Variants in TSC22D1 observed in about 807,000 individuals in gnomAD.
TSC22D1 encodes the protein TSC22 domain family member 1.
TSC22D1 carries 9 observed loss-of-function variants against 74.2 expected under a neutral mutation model. The observed-to-expected ratio is 0.12, with a 90% CI of 0.07 to 0.21. The LOEUF (loss-of-function observed/expected upper bound fraction) is 0.21. TSC22D1 is among the 10% of genes least tolerant of loss of function. The probability of loss-of-function intolerance (pLI) is 1.00; values close to 1 mark genes in which losing one functional copy is unlikely to be tolerated. For synonymous variants in TSC22D1, 586 were observed against 492.5 expected (o/e 1.19, Z -2.51); for missense variants, 1,427 against 1,304.7 (o/e 1.09, Z -1.44).
chr13:44,537,315 C>T (rs1881208192), intron 1 of TSC22D1: 13 of 981,828 alleles, frequency 1.3e-5, no homozygotes, highest in South Asian at 4.7e-5. Context: ...CAATAATATA[C>T]AAAAAGTTTC....
rs568892075 is a variant in TSC22D1 at position 44,569,294 on chromosome 13, T to C, written c.2912+3869A>G. Among the ~76,000 whole-genome samples, 15 of 152,298 alleles carry C rather than the reference T, an allele frequency of 9.8e-5. No homozygotes were observed. The South Asian group carries it at 2.9e-3, about 29-fold the overall frequency. The stretch of plus-strand genomic sequence containing the variant: ...CTAGGCAATCTAACTCCACAGTCCA[T>C]GCTCCTAACGAGCAGGCTATATTAC... On this transcript the variant is annotated intron_variant, in intron 1 of 2. Coordinates refer to ENST00000458659, the MANE Select transcript of TSC22D1 (RefSeq NM_183422.4).
chr13:44,568,938 T>C (rs1317760066), intron 1 of TSC22D1, among the ~76,000 whole-genome samples: 1 of 152,104 alleles, frequency 6.6e-6, no homozygotes, highest in Non-Finnish European at 1.5e-5. Context: ...GAATACTGAA[T>C]AATCAATATT....
intron 1 of TSC22D1, among the ~76,000 whole-genome samples, chr13:44,545,868 T>C (rs912533202): frequency 3.3e-4 from 50 of 152,052 alleles, no homozygotes; most frequent in African/African-American, 1.2e-3. Context: ...TCCCAGCTAC[T>C]TGGGAGGCTG....
intron 1 of TSC22D1, among the ~76,000 whole-genome samples, chr13:44,454,090 C>G (rs930445177): frequency 1.3e-5 from 2 of 152,106 alleles, no homozygotes; most frequent in African/African-American, 4.8e-5. Context: ...TTACGTAACC[C>G]AAGTTAGGGT....
At chr13:44,548,911 T>C (rs2138136073) in intron 1 of TSC22D1, among the ~76,000 whole-genome samples, 1 of 152,310 alleles carries the variant, frequency 6.6e-6, no homozygotes, top group Non-Finnish European at 1.5e-5. Context: ...TTAATAAGTT[T>C]TATTATCCTA....
At chr13:44,548,849 T>C (rs771511848) in intron 1 of TSC22D1, among the ~76,000 whole-genome samples, 1 of 152,210 alleles carries the variant, frequency 6.6e-6, no homozygotes, top group Admixed American at 6.5e-5. Flanking sequence ...ATCTATTGAT[T>C]TGCATAACAA....
chr13:44,512,900 G>A (rs558034806), intron 1 of TSC22D1, among the ~76,000 whole-genome samples: 8 of 152,098 alleles, frequency 5.3e-5, no homozygotes, highest in East Asian at 3.9e-4. Context: ...TGCCTGCCTC[G>A]GCCTCCCAAA....
At chr13:44,566,619 T>C (rs1172214190) in intron 1 of TSC22D1, among the ~76,000 whole-genome samples, 1 of 152,306 alleles carries the variant, frequency 6.6e-6, no homozygotes, top group East Asian at 1.9e-4. Context: ...TTGAAATAGA[T>C]GTGTAATGAT....
At chr13:44,509,497 G>A (rs762697486) in intron 1 of TSC22D1, among the ~76,000 whole-genome samples, 14 of 152,224 alleles carry the variant, frequency 9.2e-5, no homozygotes, top group South Asian at 6.2e-4. Context: ...AAAATGAGCC[G>A]GACGTGGTGG....
intron 1 of TSC22D1, among the ~76,000 whole-genome samples, chr13:44,442,904 G>A (rs1281542665): frequency 3.8e-5 from 4 of 104,054 alleles, no homozygotes; most frequent in African/African-American, 7.9e-5. Context: ...GCCACAGAGC[G>A]AGACTCTGTC....
chr13:44,475,655 GA>G lies in TSC22D1; in HGVS notation c.2913-39561del, dbSNP rs1877868137. Among the ~76,000 whole-genome samples the G allele has an allele frequency of 4.6e-5, 7 of 151,618 alleles. 1 individual carries two copies. The South Asian group carries it at 1.5e-3, about 31-fold the overall frequency. On this transcript the variant is annotated intron_variant, in intron 1 of 2. Transcript: ENST00000458659. ...GGCAGAAATAAGCAGTATCAGGAAC[GA>G]AAAAAATATGTAACCATAATTTAAG...
Position 44,539,662 on chromosome 13 carries a change from C to T in TSC22D1, c.2912+33501G>A. The T allele has an allele frequency of 3.4e-6, 4 of 1,163,188 alleles. No homozygotes were observed. In the South Asian group the frequency reaches 5.4e-5, roughly 16 times the overall value. The allele number at this position is 1,163,188 out of a possible 1,614,324, so 72.1% of individuals were successfully genotyped here. On this transcript the variant is annotated intron_variant, in intron 1 of 2. Coordinates refer to ENST00000458659, the MANE Select transcript of TSC22D1 (RefSeq NM_183422.4). The stretch of plus-strand genomic sequence containing the variant: ...AAAAACAAAACAGATTGCAGTCCCA[C>T]CTGGTTCTTAAATGAACCCAAGGAG...
chr13:44,490,178 A>G (rs555190703), intron 1 of TSC22D1, among the ~76,000 whole-genome samples: 1 of 152,320 alleles, frequency 6.6e-6, no homozygotes, highest in African/African-American at 2.4e-5. Flanking sequence ...TAAGCTCAAC[A>G]TGAATGAATC....
chr13:44,520,839 T>A (rs1374141856), intron 1 of TSC22D1, among the ~76,000 whole-genome samples: 1 of 152,176 alleles, frequency 6.6e-6, no homozygotes, highest in African/African-American at 2.4e-5. Flanking sequence ...TAGAATGTAA[T>A]AAAATTTTGG....
In TSC22D1 at chr13:44,434,464, T is replaced by TA; in HGVS notation, c.*161_*162insT. The TA allele has an allele frequency of 7.2e-7, 1 of 1,383,342 alleles. No homozygotes were observed. Among genetic ancestry groups the TA allele is most frequent in the South Asian group, 1.9e-5 (1 of 53,430 alleles). The allele number at this position is 1,383,342 out of a possible 1,614,324, so 85.7% of individuals were successfully genotyped here. On this transcript the variant is annotated 3_prime_UTR_variant, in exon 3 of 3. Coordinates refer to ENST00000458659, the MANE Select transcript of TSC22D1 (RefSeq NM_183422.4). ...GAAATTTCTCCAAGCCATAAGCATATGAGTGTTTAATACTGGAAAAGAGAT... is the reference window on the plus strand; with the variant it reads ...GAAATTTCTCCAAGCCATAAGCATATAGAGTGTTTAATACTGGAAAAGAGAT...
chr13:44,475,517 TA>T (rs1346784228), intron 1 of TSC22D1, among the ~76,000 whole-genome samples: 3 of 148,966 alleles, frequency 2.0e-5, no homozygotes, highest in Non-Finnish European at 4.5e-5. Flanking sequence ...CAAAAACTGT[TA>T]AAATAGAAAA....
intron 1 of TSC22D1, among the ~76,000 whole-genome samples, chr13:44,453,098 A>G (rs1405917661): frequency 1.3e-5 from 2 of 152,184 alleles, no homozygotes; most frequent in Non-Finnish European, 2.9e-5. Context: ...TTAAGCATTG[A>G]TTTAAAAGGT....
intron 1 of TSC22D1, among the ~76,000 whole-genome samples, chr13:44,565,991 A>C (rs963187487): frequency 6.6e-6 from 1 of 152,220 alleles, no homozygotes; most frequent in Non-Finnish European, 1.5e-5. Flanking sequence ...TAAATAAAAC[A>C]TGTCCACCTT....
intron 1 of TSC22D1, among the ~76,000 whole-genome samples, chr13:44,532,390 T>C (rs1483338493): frequency 6.6e-6 from 1 of 152,198 alleles, no homozygotes; most frequent in Admixed American, 6.5e-5. Context: ...AGGTCACGTG[T>C]TATAAGCCCA....
Sources: allele counts gnomAD v4.1 joint callset (sites outside exome capture counted in the v4.1 genomes callset), GRCh38; gene constraint gnomAD v4.1.1; transcripts MANE v1.5; gene names NCBI Gene and HGNC (gene_info 2026-07-23, HGNC 2026-07-21).